Variants in RIC1 observed in about 807,000 individuals in gnomAD.
RIC1 encodes the protein RIC1 partner of RAB6A GEF complex.
Under a neutral mutation model 169.0 loss-of-function variants are expected in RIC1, and 88 were observed. The observed-to-expected ratio is 0.52, with a 90% CI of 0.44 to 0.62. The LOEUF (loss-of-function observed/expected upper bound fraction) is 0.62, where lower values mean the gene tolerates loss of function less well. RIC1 is among the 20% of genes least tolerant of loss of function. The probability of loss-of-function intolerance (pLI) is 0.00; values close to 1 mark genes in which losing one functional copy is unlikely to be tolerated. For missense variants in RIC1, 1,877 were observed against 1,725.5 expected, an observed-to-expected ratio of 1.09 and a Z score of -1.56; for synonymous variants, 790 against 601.5, an observed-to-expected ratio of 1.31 and a Z score of -4.59.
rs371625874 is a variant in RIC1, at chr9:5,679,321, A to G, written c.253-10638A>G. 6.4e-4 allele frequency among the ~76,000 whole-genome samples: 98 copies of G among 152,238 alleles called. 1 individual carries two copies. In the South Asian group the frequency reaches 9.1e-3, roughly 14 times the overall value. On this transcript the variant is annotated intron_variant, in intron 2 of 25. Coordinates refer to ENST00000414202, the MANE Select transcript of RIC1 (RefSeq NM_020829.4). ...TGACTTAGGATTGTCTTGGCAATGC[A>G]GGCTCTTTTTTGGTTCCATATGAAC...
At chr9:5,632,030 C>A (rs1331455053) in intron 1 of RIC1, among the ~76,000 whole-genome samples, 1 of 152,062 alleles carries the variant, frequency 6.6e-6, no homozygotes, top group East Asian at 1.9e-4. Context: ...GCTGTAGATA[C>A]AAGTAGTTTT....
intron 2 of RIC1, among the ~76,000 whole-genome samples, chr9:5,680,557 G>A (rs941974420): frequency 6.6e-6 from 1 of 151,996 alleles, no homozygotes; most frequent in African/African-American, 2.4e-5. Context: ...GCTTCTTCCT[G>A]GTTTAGTCTT....
intron 2 of RIC1, among the ~76,000 whole-genome samples, chr9:5,658,035 C>G (rs889220905): frequency 5.3e-5 from 8 of 152,070 alleles, no homozygotes; most frequent in African/African-American, 1.7e-4. Flanking sequence ...TTGCTTTGCT[C>G]TTCTGTTCAA....
chr9:5,668,088 G>A (rs28814630), intron 2 of RIC1, among the ~76,000 whole-genome samples: 3,861 of 152,180 alleles, frequency 0.025, 169 homozygotes, highest in African/African-American at 0.087. Context: ...CCCTCTTCAC[G>A]TGGTGGCAGG....
At chr9:5,681,436 CATGTAGTTGA>C (rs544496793) in intron 2 of RIC1, among the ~76,000 whole-genome samples, 236 of 152,128 alleles carry the variant, frequency 1.6e-3, no homozygotes, top group Non-Finnish European at 2.9e-3. Flanking sequence ...GTTCAGTGTC[CATGTAGTTGA>C]GTGGTTTTGA....
At chr9:5,681,165 G>T (rs1349516724) in intron 2 of RIC1, among the ~76,000 whole-genome samples, 1 of 152,048 alleles carries the variant, frequency 6.6e-6, no homozygotes, top group Non-Finnish European at 1.5e-5. Context: ...ATTTCCTTCA[G>T]TTCTGCTCTG....
At position 5,722,348 on chromosome 9, in the gene RIC1, A is replaced by AGAGAGAGAGT. The variant is rs374028302; in HGVS notation, c.720+1599_720+1600insAGAGAGAGTG. ...CTTGCAAAAACTATAAGAGAGAGAGAGTGTGTGTGTGTGTGTGTGTGTGTG... is the reference window on the plus strand; with the variant it reads ...CTTGCAAAAACTATAAGAGAGAGAGAGAGAGAGAGTGTGTGTGTGTGTGTGTGTGTGTGTG... On this transcript the variant is annotated intron_variant, in intron 6 of 25. Coordinates refer to ENST00000414202, the MANE Select transcript of RIC1 (RefSeq NM_020829.4). Among the ~76,000 whole-genome samples the AGAGAGAGAGT allele has an allele frequency of 9.3e-3, 1,215 of 131,248 alleles. 13 individuals carry two copies. The highest frequency in any genetic ancestry group is 0.038 in the South Asian group (141 of 3,744). 86.1% of individuals were successfully genotyped at this position (131,248 alleles called of 152,430 possible).
At chr9:5,630,426 T>C (rs767217893) in intron 1 of RIC1, among the ~76,000 whole-genome samples, 1 of 152,314 alleles carries the variant, frequency 6.6e-6, no homozygotes, top group Admixed American at 6.5e-5. Context: ...TAGGTTGTGA[T>C]CTTGTCCTTA....
chr9:5,692,144 C>T (rs1421692953), intron 3 of RIC1, among the ~76,000 whole-genome samples: 1 of 151,992 alleles, frequency 6.6e-6, no homozygotes, highest in East Asian at 1.9e-4. Flanking sequence ...CAGTGGCTGG[C>T]CTCAATAAAA....
chr9:5,652,404 T>G (rs1207350272), intron 1 of RIC1, among the ~76,000 whole-genome samples: 2 of 152,226 alleles, frequency 1.3e-5, no homozygotes, highest in African/African-American at 2.4e-5. Context: ...ATAGTTTTCA[T>G]TGTAGTGATC....
rs563809402 is a variant in RIC1, at chr9:5,776,544, A to G, written c.*2298A>G. 7.9e-5 allele frequency: 12 copies of G among 152,212 alleles called. No homozygotes were observed. Among genetic ancestry groups the G allele is most frequent in the Non-Finnish European group, 1.6e-4 (11 of 67,950 alleles). 9.4% of individuals were successfully genotyped at this position (152,212 alleles called of 1,614,324 possible). A position where few individuals can be genotyped will look rare whatever the true frequency, so the allele number is the denominator to read the frequency against. ...TTCTCCCCTTGGTAAAGGGCAATAAAACCATTACACAAACTTTGGTTTATT... is the reference window on the plus strand; with the variant it reads ...TTCTCCCCTTGGTAAAGGGCAATAAGACCATTACACAAACTTTGGTTTATT... On this transcript the variant is annotated 3_prime_UTR_variant, in exon 26 of 26. Transcript: ENST00000414202.
intron 2 of RIC1, among the ~76,000 whole-genome samples, chr9:5,661,176 C>G (rs1010122213): frequency 6.6e-6 from 1 of 152,130 alleles, no homozygotes; most frequent in Middle Eastern, 3.2e-3. Flanking sequence ...GTTCTCTATT[C>G]TGTTACGTTG....
In RIC1 at chr9:5,720,565, AATTT is replaced by A. The variant is rs928006149; in HGVS notation, c.584-45_584-42del. On this transcript the variant is annotated intron_variant, in intron 5 of 25. Coordinates refer to ENST00000414202, the MANE Select transcript of RIC1 (RefSeq NM_020829.4). ...TTTTTCTGGCAAAAAGTGAGAGAGT[AATTT>A]ATTATATTCTTAATCCTATTTCATG... The A allele has an allele frequency of 1.1e-5, 16 of 1,513,402 alleles. No individual in the cohort carries two copies. In the African/African-American group the frequency reaches 2.0e-4, roughly 19 times the overall value. 93.7% of individuals were successfully genotyped at this position (1,513,402 alleles called of 1,614,324 possible). A position where few individuals can be genotyped will look rare whatever the true frequency, so the allele number is the denominator to read the frequency against.
chr9:5,753,389 C>A, intron 13 of RIC1, 147 bp from the exon 14 acceptor site: 1 of 827,446 alleles, frequency 1.2e-6, no homozygotes, highest in Non-Finnish European at 2.0e-6. Flanking sequence ...ATAATTTTGT[C>A]AGATATAACT....
intron 1 of RIC1, among the ~76,000 whole-genome samples, chr9:5,645,734 C>T (rs1740673412): frequency 6.6e-6 from 1 of 152,142 alleles, no homozygotes; most frequent in African/African-American, 2.4e-5. Context: ...AATTTCCTTC[C>T]TTCTTAAGGC....
chr9:5,777,543 GT>G (rs946350237), downstream of RIC1, among the ~76,000 whole-genome samples: 1 of 152,010 alleles, frequency 6.6e-6, no homozygotes, highest in African/African-American at 2.4e-5. Flanking sequence ...CTGTTTTTAA[GT>G]CCAACTTATT....
chr9:5,734,286 T>C (rs1055202019), intron 7 of RIC1, among the ~76,000 whole-genome samples: 1 of 151,708 alleles, frequency 6.6e-6, no homozygotes, highest in African/African-American at 2.4e-5. Flanking sequence ...TTTGTATTTT[T>C]AGTAGAACGG....
At chr9:5,666,969 T>C (rs976333852) in intron 2 of RIC1, among the ~76,000 whole-genome samples, 9 of 152,348 alleles carry the variant, frequency 5.9e-5, no homozygotes, top group South Asian at 4.1e-4. Context: ...TTTTGTGATT[T>C]GAATCATCTC....
At chr9:5,656,548 A>G in intron 1 of RIC1, 35 bp from the exon 2 acceptor site, 1 of 1,107,876 alleles carries the variant, frequency 9.0e-7, no homozygotes, top group South Asian at 1.6e-5. Context: ...GATATTGATA[A>G]AAAATACAAC....
Sources: gnomAD v4.1 joint callset for allele counts (sites outside exome capture counted in the v4.1 genomes callset) on GRCh38, gnomAD v4.1.1 for gene constraint, MANE v1.5 for transcripts, NCBI Gene and HGNC (gene_info 2026-07-23, HGNC 2026-07-21) for gene names.